The following RPS6KC1 variants were observed in gnomAD, a reference collection of about 807,000 sequenced individuals.
The protein encoded by RPS6KC1 is ribosomal protein S6 kinase C1.
A neutral mutation model predicts 103.8 loss-of-function variants in RPS6KC1; 54 were observed. The observed-to-expected ratio is 0.52, with a 90% CI of 0.42 to 0.65. RPS6KC1 has a LOEUF of 0.65. Ranked by LOEUF, RPS6KC1 falls within the 30% of genes least tolerant of loss-of-function variation. The probability of loss-of-function intolerance (pLI) is 0.00; values close to 1 mark genes in which losing one functional copy is unlikely to be tolerated. For missense variants in RPS6KC1, 1,151 were observed against 1,253.8 expected, an observed-to-expected ratio of 0.92 and a Z score of 1.24; for synonymous variants, 439 against 438.7, an observed-to-expected ratio of 1.00 and a Z score of -0.01.
the RPS6KC1 span, among the ~76,000 whole-genome samples, chr1:213,390,810 C>A: frequency 6.6e-6 from 1 of 152,066 alleles, no homozygotes; most frequent in East Asian, 1.9e-4. Flanking sequence ...AATTACAGAC[C>A]TAGAGCAAAG....
the RPS6KC1 span, among the ~76,000 whole-genome samples, chr1:213,328,503 ACT>A: frequency 9.1e-4 from 29 of 31,796 alleles, no homozygotes; most frequent in Admixed American, 1.8e-3. Context: ...CAGCCATTAT[ACT>A]ATATATATAT....
chr1:213,809,657 A>G, the RPS6KC1 span, among the ~76,000 whole-genome samples: 1 of 152,198 alleles, frequency 6.6e-6, no homozygotes. Context: ...TATCTTCCAT[A>G]TTAAGAGGAT....
the RPS6KC1 span, among the ~76,000 whole-genome samples, chr1:213,811,438 A>G: frequency 6.6e-6 from 1 of 152,206 alleles, no homozygotes; most frequent in Non-Finnish European, 1.5e-5. Flanking sequence ...GGCTCAATGA[A>G]TGTTCATCAA....
chr1:213,507,466 A>G, the RPS6KC1 span, among the ~76,000 whole-genome samples: 1 of 152,184 alleles, frequency 6.6e-6, no homozygotes, highest in African/African-American at 2.4e-5. Flanking sequence ...GGAAAAGGAC[A>G]GATGCAAAGA....
the RPS6KC1 span, among the ~76,000 whole-genome samples, chr1:213,484,431 G>A: frequency 0.61 from 93,089 of 152,092 alleles, 28,910 homozygotes; most frequent in East Asian, 0.87. Context: ...TTATGTGGTT[G>A]TTGGCAAGCC....
At chr1:213,840,991 T>C in the RPS6KC1 span, 1 of 152,226 alleles carries the variant, frequency 6.6e-6, no homozygotes, top group Non-Finnish European at 1.5e-5. Context: ...TACTGTTTTC[T>C]AAGTAAAGAC....
chr1:213,117,272 T>A (rs1473971879), intron 4 of RPS6KC1, 45 bp from the exon 5 acceptor site: 1 of 1,132,902 alleles, frequency 8.8e-7, no homozygotes, highest in African/African-American at 1.5e-5. Context: ...TAGTGTTGTT[T>A]ATGCTCTTAA....
chr1:213,752,577 A>G, the RPS6KC1 span, among the ~76,000 whole-genome samples: 6 of 152,236 alleles, frequency 3.9e-5, no homozygotes, highest in South Asian at 2.1e-4. Context: ...TAGGTATTCC[A>G]CCATTAGAAA....
At chr1:213,789,117 G>A in the RPS6KC1 span, among the ~76,000 whole-genome samples, 1 of 152,100 alleles carries the variant, frequency 6.6e-6, no homozygotes, top group African/African-American at 2.4e-5. Context: ...GACCAAGAGT[G>A]GAATTCAGTT....
At chr1:213,478,173 T>C in the RPS6KC1 span, among the ~76,000 whole-genome samples, 1 of 152,204 alleles carries the variant, frequency 6.6e-6, no homozygotes, top group Non-Finnish European at 1.5e-5. Flanking sequence ...GTTTCCTCCA[T>C]GTCTTTTTAT....
the RPS6KC1 span, chr1:213,822,505 G>C: frequency 1.3e-5 from 2 of 151,728 alleles, no homozygotes; most frequent in South Asian, 4.2e-4. Context: ...ATATTTATCT[G>C]TGTCCCCTGA....
the RPS6KC1 span, among the ~76,000 whole-genome samples, chr1:213,303,798 A>C: frequency 6.6e-6 from 1 of 152,170 alleles, no homozygotes; most frequent in East Asian, 1.9e-4. Flanking sequence ...TGTTATAATA[A>C]TATTTTATTT....
chr1:213,226,183 A>G (rs191774938), intron 8 of RPS6KC1, among the ~76,000 whole-genome samples: 60 of 149,268 alleles, frequency 4.0e-4, no homozygotes, highest in African/African-American at 1.4e-3. Flanking sequence ...AGATCGCACC[A>G]CTGCACTCCA....
chr1:213,339,619 A>T, the RPS6KC1 span, among the ~76,000 whole-genome samples: 1 of 152,234 alleles, frequency 6.6e-6, no homozygotes, highest in Non-Finnish European at 1.5e-5. Context: ...TATACTTCAG[A>T]TCTCTTTCAT....
chr1:213,705,022 A>C, the RPS6KC1 span, among the ~76,000 whole-genome samples: 3 of 152,206 alleles, frequency 2.0e-5, no homozygotes, highest in African/African-American at 7.2e-5. Context: ...GGAGTGACAC[A>C]AGCACCCCTG....
At chr1:213,756,309 C>A in the RPS6KC1 span, among the ~76,000 whole-genome samples, 1 of 152,120 alleles carries the variant, frequency 6.6e-6, no homozygotes, top group South Asian at 2.1e-4. Flanking sequence ...AAGCAAGTTC[C>A]GGGAGACTGG....
chr1:213,593,550 T>C, the RPS6KC1 span, among the ~76,000 whole-genome samples: 1 of 151,824 alleles, frequency 6.6e-6, no homozygotes, highest in Non-Finnish European at 1.5e-5. Flanking sequence ...GCACACAAGG[T>C]TGGAGGCAAT....
the RPS6KC1 span, among the ~76,000 whole-genome samples, chr1:213,343,389 G>GTA: frequency 1.5e-3 from 101 of 65,830 alleles, 11 homozygotes; most frequent in African/African-American, 7.3e-3. Context: ...TCAGTGTTGT[G>GTA]TGTATATATA....
the RPS6KC1 span, among the ~76,000 whole-genome samples, chr1:213,361,344 G>A: frequency 6.6e-6 from 1 of 152,246 alleles, no homozygotes; most frequent in Non-Finnish European, 1.5e-5. Context: ...GTGGGCGTGG[G>A]ACCCTCTGAA....
Sources: gnomAD v4.1 joint callset for allele counts (sites outside exome capture counted in the v4.1 genomes callset) on GRCh38, gnomAD v4.1.1 for gene constraint, MANE v1.5 for transcripts, NCBI Gene and HGNC (gene_info 2026-07-23, HGNC 2026-07-21) for gene names.